The following DAB2IP variants were observed in gnomAD, a reference collection of about 807,000 sequenced individuals.
The protein encoded by DAB2IP is disabled homolog 2-interacting protein.
In DAB2IP, 28 loss-of-function variants were observed where a neutral mutation model predicts 107.2. The ratio of observed to expected loss-of-function variants is 0.26; its 90% CI spans 0.19 to 0.36. DAB2IP has a LOEUF of 0.36. DAB2IP is among the 10% of genes least tolerant of loss of function. The pLI, the probability that DAB2IP is intolerant of heterozygous loss-of-function variation, is 1.00. For missense variants in DAB2IP, 1,400 were observed against 1,644.7 expected, an observed-to-expected ratio of 0.85 and a Z score of 2.57; for synonymous variants, 755 against 706.4, an observed-to-expected ratio of 1.07 and a Z score of -1.09.
chr9:121,700,361 T>C (rs1249417027), intron 3 of DAB2IP, among the ~76,000 whole-genome samples: 3 of 152,164 alleles, frequency 2.0e-5, no homozygotes, highest in Non-Finnish European at 4.4e-5. Flanking sequence ...CAGGTCCTCC[T>C]CGAGTGGTGC....
At position 121,772,847 on chromosome 9, in the gene DAB2IP, T is replaced by A. The variant is rs189270684; in HGVS notation, c.2319T>A (p.Asp773Glu). Residue 773 changes from aspartate to glutamate, a missense_variant, in exon 12 of 16, where the codon GAT (aspartate) becomes GAA (glutamate). Asp to Glu is a conservative substitution (Grantham distance 45, BLOSUM62 2). Coordinates refer to ENST00000408936, the Ensembl canonical transcript of DAB2IP. This position sits in a 1 kb window ranked among gnomAD's most constrained non-coding sequence, Gnocchi z 4.7. ...CGGGCCCCGACGTCCTCCCCACAGATGGGCAGGCCGCTGCAGCTCAGCTGG... is the reference window on the plus strand; with the variant it reads ...CGGGCCCCGACGTCCTCCCCACAGAAGGGCAGGCCGCTGCAGCTCAGCTGG... 1.2e-4 allele frequency: 194 copies of A among 1,599,368 alleles called. No homozygotes were observed. Among genetic ancestry groups the A allele is most frequent in the Non-Finnish European group, 1.6e-4 (185 of 1,174,834 alleles).
chr9:121,586,249 A>G (rs572561682), intron 1 of DAB2IP, among the ~76,000 whole-genome samples: 1 of 152,366 alleles, frequency 6.6e-6, no homozygotes, highest in Admixed American at 6.5e-5. Flanking sequence ...ATGATTACCG[A>G]ACACAGCCAT....
intron 1 of DAB2IP, among the ~76,000 whole-genome samples, chr9:121,678,204 A>T (rs985015578): frequency 1.3e-5 from 2 of 152,192 alleles, no homozygotes; most frequent in South Asian, 4.1e-4. Context: ...TTCTGTCTCT[A>T]CGAATTGGCC....
At chr9:121,636,834 T>A (rs1832107663) in intron 1 of DAB2IP, among the ~76,000 whole-genome samples, 2 of 152,238 alleles carry the variant, frequency 1.3e-5, no homozygotes, top group Admixed American at 1.3e-4. Context: ...GGCAGCTTCC[T>A]GAGTGCAGTC....
intron 3 of DAB2IP, among the ~76,000 whole-genome samples, chr9:121,746,667 G>T (rs920869067): frequency 1.3e-5 from 2 of 152,214 alleles, no homozygotes; most frequent in Non-Finnish European, 1.5e-5. Flanking sequence ...TCTAGGGGGG[G>T]CCCAGCATGA....
intron 2 of DAB2IP, among the ~76,000 whole-genome samples, chr9:121,694,077 C>A (rs1829295907): frequency 6.6e-6 from 1 of 152,182 alleles, no homozygotes; most frequent in Non-Finnish European, 1.5e-5. Flanking sequence ...TGGGACAGCT[C>A]TGCACTCAGG....
intron 5 of DAB2IP, 120 bp from the exon 6 acceptor site, chr9:121,759,765 C>T (rs922619988): frequency 1.7e-5 from 15 of 886,684 alleles, no homozygotes; most frequent in Non-Finnish European, 2.4e-5. Context: ...CCTAGGCGCC[C>T]GCTGCCGCCT....
chr9:121,713,789 G>T (rs1159250924), intron 3 of DAB2IP, among the ~76,000 whole-genome samples: 1 of 152,146 alleles, frequency 6.6e-6, no homozygotes, highest in African/African-American at 2.4e-5. Context: ...AAAATCTTGG[G>T]TTATACCATA....
intron 1 of DAB2IP, among the ~76,000 whole-genome samples, chr9:121,669,923 G>C (rs1038209184): frequency 5.3e-5 from 8 of 152,056 alleles, no homozygotes; most frequent in African/African-American, 1.7e-4. Context: ...CAGATCTTTC[G>C]TGTACATTGG....
intron 11 of DAB2IP, among the ~76,000 whole-genome samples, chr9:121,771,853 A>C (rs1442043524): frequency 4.2e-5 from 6 of 143,016 alleles, no homozygotes; most frequent in African/African-American, 1.5e-4. Flanking sequence ...AAGCCCCCCA[A>C]GTCCTTGCAG....
chr9:121,712,356 C>T (rs1245210550), intron 3 of DAB2IP, among the ~76,000 whole-genome samples: 1 of 152,210 alleles, frequency 6.6e-6, no homozygotes, highest in East Asian at 1.9e-4. Context: ...TGTTGTGGGG[C>T]TTAGCCCTCT....
intron 1 of DAB2IP, among the ~76,000 whole-genome samples, chr9:121,668,901 GC>G (rs1320061773): frequency 1.4e-5 from 2 of 140,078 alleles, no homozygotes; most frequent in Non-Finnish European, 3.1e-5. Context: ...TCCATAGTAA[GC>G]CTTACTTTTT....
At chr9:121,756,620 CAA>C (rs1253656070) in intron 3 of DAB2IP, among the ~76,000 whole-genome samples, 1 of 152,216 alleles carries the variant, frequency 6.6e-6, no homozygotes. Flanking sequence ...AGGACCAGTG[CAA>C]AAGAGAGGGG....
chr9:121,768,951 C>T (rs558795062), intron 10 of DAB2IP, among the ~76,000 whole-genome samples: 4 of 152,268 alleles, frequency 2.6e-5, no homozygotes, highest in South Asian at 4.1e-4. Flanking sequence ...ATCGTGAATC[C>T]GCCTGTATGA....
At chr9:121,758,479 T>G (rs1833648800) in intron 4 of DAB2IP, among the ~76,000 whole-genome samples, 1 of 152,228 alleles carries the variant, frequency 6.6e-6, no homozygotes, top group South Asian at 2.1e-4. Context: ...CTACCTTTAG[T>G]TGTCTCCTTG....
chr9:121,652,155 A>G (rs545903435), intron 1 of DAB2IP, among the ~76,000 whole-genome samples: 104 of 152,160 alleles, frequency 6.8e-4, no homozygotes, highest in Non-Finnish European at 1.0e-3. Flanking sequence ...CTTTCTCCGC[A>G]TCTCAGATCA....
intron 1 of DAB2IP, among the ~76,000 whole-genome samples, chr9:121,658,346 A>G (rs973683307): frequency 6.6e-6 from 1 of 152,118 alleles, no homozygotes; most frequent in Admixed American, 6.5e-5. Context: ...TTTGTTTTCC[A>G]TTAAGTAGGT....
At chr9:121,578,350 C>G (rs1314673314) in intron 1 of DAB2IP, among the ~76,000 whole-genome samples, 1 of 151,932 alleles carries the variant, frequency 6.6e-6, no homozygotes, top group Non-Finnish European at 1.5e-5. Flanking sequence ...GCTGGGCTCC[C>G]CCTGCTCCCC....
chr9:121,780,657 G>A (rs911202478), intron 14 of DAB2IP, among the ~76,000 whole-genome samples: 5 of 152,128 alleles, frequency 3.3e-5, no homozygotes, highest in South Asian at 2.1e-4. Context: ...CAGACCCAGA[G>A]AGTGTGGGGT....
Sources: allele counts gnomAD v4.1 joint callset (sites outside exome capture counted in the v4.1 genomes callset), GRCh38; gene constraint gnomAD v4.1.1; non-coding constraint Gnocchi (gnomAD v3.1); transcripts MANE v1.5; gene names NCBI Gene and HGNC (gene_info 2026-07-23, HGNC 2026-07-21).